Variants in PREX2 observed in about 807,000 individuals in gnomAD.
The protein encoded by PREX2 is phosphatidylinositol 3,4,5-trisphosphate-dependent Rac exchanger 2 protein.
PREX2 carries 107 observed loss-of-function variants against 203.2 expected under a neutral mutation model. That is an observed-to-expected ratio of 0.53 (90% CI 0.45 to 0.62). The LOEUF (loss-of-function observed/expected upper bound fraction) is 0.62. Among genes scored for constraint, PREX2 ranks in the 20% least tolerant of loss-of-function variants. PREX2 has a pLI of 0.00. For synonymous variants in PREX2, 672 were observed against 663.6 expected (o/e 1.01, Z -0.19); for missense variants, 1,777 against 1,955.9 (o/e 0.91, Z 1.72).
rs1812318597 is a variant in PREX2, at chr8:68,192,492, G to T, written c.4571G>T (p.Cys1524Phe). 6.2e-7 allele frequency: 1 copy of T among 1,613,288 alleles called. No homozygotes were observed. The highest frequency in any genetic ancestry group is 8.5e-7 in the Non-Finnish European group (1 of 1,179,908). The change falls in exon 37 of 40, where the codon TGC (cysteine) becomes TTC (phenylalanine). Residue 1524 changes from cysteine to phenylalanine, a missense_variant. Transcript: ENST00000288368. ...SSELCNRLGACHIIMCSSGVH... is the reference protein window; with the variant it reads ...SSELCNRLGAFHIIMCSSGVH... The stretch of plus-strand genomic sequence containing the variant: ...GAGCTGTGCAACAGGCTGGGCGCCT[G>T]CCACATCATCATGTGCAGCAGCGGT...
chr8:68,222,507 A>G (rs778621110), intron 38 of PREX2, among the ~76,000 whole-genome samples: 12 of 152,044 alleles, frequency 7.9e-5, no homozygotes, highest in Non-Finnish European at 1.3e-4. Context: ...GTCCACACTG[A>G]TTTAAATATA....
intron 1 of PREX2, among the ~76,000 whole-genome samples, chr8:67,960,647 C>A (rs1470105929): frequency 6.6e-6 from 1 of 152,112 alleles, no homozygotes; most frequent in Non-Finnish European, 1.5e-5. Context: ...AGGGGAGAGG[C>A]AAGTATGGAG....
At chr8:68,080,915 T>C in intron 17 of PREX2, 77 bp downstream of exon 17, 1 of 845,168 alleles carries the variant, frequency 1.2e-6, no homozygotes, top group South Asian at 1.5e-5. Flanking sequence ...AACTGAAATC[T>C]GCCTTTAAAG....
intron 1 of PREX2, among the ~76,000 whole-genome samples, chr8:68,013,301 T>C (rs186206716): frequency 6.6e-6 from 1 of 152,310 alleles, no homozygotes; most frequent in African/African-American, 2.4e-5. Context: ...ATTTTTTCTC[T>C]ATATATATGC....
rs1813203191 is a variant in PREX2 at position 68,233,272 on chromosome 8, G to C, written c.*1894G>C. The C allele has an allele frequency of 1.3e-5, 2 of 152,138 alleles. No individual in the cohort carries two copies. 9.4% of individuals were successfully genotyped at this position (152,138 alleles called of 1,614,324 possible). On this transcript the variant is annotated 3_prime_UTR_variant, in exon 40 of 40. Coordinates refer to ENST00000288368, the MANE Select transcript of PREX2 (RefSeq NM_024870.4). ...ATTAGCTAGCAAGTCCTTTCATATT[G>C]TCATGACTGTTTTCTCATCACCATC...
Position 68,060,672 on chromosome 8 carries a change from C to A in PREX2, c.1239-7C>A, listed in dbSNP as rs1369164. 312 of 1,605,206 alleles carry A rather than the reference C, an allele frequency of 1.9e-4. 4 individuals are homozygous for A. The South Asian group carries it at 3.2e-3, about 16-fold the overall frequency. ...CGTTTAGCTTTTTCACTGACTTTCT[C>A]TTGCAGCGAATTTGTGTCATGGCTG... On this transcript the variant is annotated splice_region_variant and splice_polypyrimidine_tract_variant and intron_variant, in intron 10 of 39. Coordinates refer to ENST00000288368, the MANE Select transcript of PREX2 (RefSeq NM_024870.4).
At chr8:68,219,827 G>A (rs2129615367) in intron 38 of PREX2, among the ~76,000 whole-genome samples, 1 of 152,298 alleles carries the variant, frequency 6.6e-6, no homozygotes, top group South Asian at 2.1e-4. Context: ...ACCTACCTAT[G>A]ATTTGAGCAG....
In PREX2 at chr8:68,044,555, A is replaced by G. The variant is rs765498262; in HGVS notation, c.908A>G (p.Glu303Gly). 2.9e-5 allele frequency: 47 copies of G among 1,612,884 alleles called. No individual in the cohort carries two copies. Among genetic ancestry groups the G allele is most frequent in the Non-Finnish European group, 3.6e-5 (42 of 1,179,260 alleles). ...RYLFRGRINT[E>G]VMEVENVDDG... ...CTTTTTCGTGGCCGGATCAACACGG[A>G]GGTGATGGAAGTGGAGAATGTGGAT... Residue 303 changes from glutamate (E) to glycine (G), a missense_variant, in exon 8 of 40, where the codon GAG (glutamate) becomes GGG (glycine). Glu to Gly is a moderately conservative substitution (Grantham distance 98, BLOSUM62 -2). Coordinates refer to ENST00000288368, the MANE Select transcript of PREX2 (RefSeq NM_024870.4).
At chr8:68,098,721 C>A (rs1810163467) in intron 22 of PREX2, among the ~76,000 whole-genome samples, 1 of 151,644 alleles carries the variant, frequency 6.6e-6, no homozygotes, top group Non-Finnish European at 1.5e-5. Context: ...CCAAGGTCAC[C>A]CTGCTAATGA....
intron 17 of PREX2, chr8:68,082,183 G>A (rs7007369): frequency 0.53 from 81,075 of 151,946 alleles, 21,627 homozygotes; most frequent in South Asian, 0.56. Flanking sequence ...CTGTAGCCCA[G>A]GTATATCTAG....
intron 20 of PREX2, among the ~76,000 whole-genome samples, chr8:68,093,112 C>G (rs563287187): frequency 4.6e-5 from 7 of 152,090 alleles, no homozygotes; most frequent in African/African-American, 1.7e-4. Flanking sequence ...TTTGTTAGGC[C>G]AGGCGCAGTA....
chr8:68,092,378 C>T (rs996101935), intron 20 of PREX2, among the ~76,000 whole-genome samples: 6 of 152,164 alleles, frequency 3.9e-5, no homozygotes, highest in African/African-American at 9.7e-5. Flanking sequence ...ATTAATTAGA[C>T]ACACTTGAGA....
chr8:68,138,345 A>G, intron 32 of PREX2, 70 bp from the exon 33 acceptor site: 1 of 788,346 alleles, frequency 1.3e-6, no homozygotes, highest in Non-Finnish European at 1.9e-6. Context: ...GTCTGAATTT[A>G]CATTATGTCA....
intron 1 of PREX2, among the ~76,000 whole-genome samples, chr8:68,006,785 T>A (rs1323277653): frequency 6.6e-6 from 1 of 152,206 alleles, no homozygotes; most frequent in Non-Finnish European, 1.5e-5. Flanking sequence ...CTTGAGGACC[T>A]AAGGTTATTC....
intron 34 of PREX2, among the ~76,000 whole-genome samples, chr8:68,148,283 A>T (rs1811366747): frequency 6.6e-6 from 1 of 152,130 alleles, no homozygotes; most frequent in African/African-American, 2.4e-5. Flanking sequence ...CACTACAGGG[A>T]TAGATAGTTT....
At chr8:68,017,812 T>C in intron 1 of PREX2, 34 bp from the exon 2 acceptor site, 1 of 1,569,942 alleles carries the variant, frequency 6.4e-7, no homozygotes, top group Admixed American at 1.7e-5. Context: ...ATTAACCTAA[T>C]GTTACCTTCA....
At position 68,192,315 on chromosome 8, in the gene PREX2, T is replaced by A. The variant is rs941726099; in HGVS notation, c.4414-20T>A. The A allele has an allele frequency of 6.4e-7, 1 of 1,563,594 alleles. No homozygotes were observed. The highest frequency in any genetic ancestry group is 1.4e-5 in the African/African-American group (1 of 73,420). On this transcript the variant is annotated intron_variant, in intron 36 of 39. Coordinates refer to ENST00000288368, the MANE Select transcript of PREX2 (RefSeq NM_024870.4). ...TTACTAAACATGTTGAACTTGACGT[T>A]CATCACTTTTTTTCTGCAGCTAATG... is the stretch of plus-strand genomic sequence containing the variant.
intron 27 of PREX2, 41 bp from the exon 28 acceptor site, chr8:68,119,391 G>A: frequency 7.6e-7 from 1 of 1,319,596 alleles, no homozygotes. Flanking sequence ...CATAAGATGA[G>A]TGATTTTGGT....
intron 25 of PREX2, chr8:68,114,424 C>A: frequency 4.6e-6 from 2 of 434,098 alleles, no homozygotes; most frequent in South Asian, 1.6e-5. Context: ...GCGAAGATGG[C>A]TGCTGGCTTG....
Sources: allele counts gnomAD v4.1 joint callset (sites outside exome capture counted in the v4.1 genomes callset), GRCh38; gene constraint gnomAD v4.1.1; transcripts MANE v1.5; gene names NCBI Gene and HGNC (gene_info 2026-07-23, HGNC 2026-07-21).